Variants in MTRF1 observed in about 807,000 individuals in gnomAD.
The protein encoded by MTRF1 is mitochondrial translation release factor 1, also known as peptide chain release factor 1, mitochondrial.
Under a neutral mutation model 62.9 loss-of-function variants are expected in MTRF1, and 51 were observed. The ratio of observed to expected loss-of-function variants is 0.81; its 90% CI spans 0.65 to 1.02. The LOEUF is 1.02. MTRF1 is among the 50% of genes least tolerant of loss of function. The pLI is 0.00. For synonymous variants in MTRF1, 158 were observed against 181.9 expected, an observed-to-expected ratio of 0.87 and a Z score of 1.06; for missense variants, 446 against 530.0, an observed-to-expected ratio of 0.84 and a Z score of 1.56.
At chr13:41,298,944 C>T in the MTRF1 span, among the ~76,000 whole-genome samples, 1 of 152,242 alleles carries the variant, frequency 6.6e-6, no homozygotes, top group South Asian at 2.1e-4. Flanking sequence ...CTTTGGGAGG[C>T]CAAAGCAGGC....
chr13:41,264,767 A>C (rs2040785195), upstream of MTRF1, among the ~76,000 whole-genome samples: 1 of 152,202 alleles, frequency 6.6e-6, no homozygotes, highest in Non-Finnish European at 1.5e-5. Flanking sequence ...TCCAAGGTAA[A>C]AAACAGTAAG....
the MTRF1 span, among the ~76,000 whole-genome samples, chr13:41,290,436 C>G: frequency 7.2e-3 from 1,066 of 148,540 alleles, 17 homozygotes; most frequent in African/African-American, 0.025. Flanking sequence ...CTCTGTCACC[C>G]AGGCTGGAGT....
the MTRF1 span, among the ~76,000 whole-genome samples, chr13:41,291,695 T>TAAA: frequency 7.9e-5 from 12 of 152,106 alleles, no homozygotes; most frequent in Non-Finnish European, 1.8e-4. Flanking sequence ...GAAAGGTATT[T>TAAA]AAATGTAGAA....
chr13:41,223,403 C>T (rs1798339522), intron 8 of MTRF1, 49 bp from the exon 9 acceptor site: 14 of 1,463,304 alleles, frequency 9.6e-6, no homozygotes, highest in Non-Finnish European at 1.1e-5. Context: ...TAAATGTCTT[C>T]ATTACAATGG....
At chr13:41,220,525 T>A in intron 9 of MTRF1, 2 of 1,194,632 alleles carry the variant, frequency 1.7e-6, no homozygotes, top group Non-Finnish European at 1.1e-6. Flanking sequence ...TAAATAAAAG[T>A]AAGAAAGTTA....
chr13:41,251,313 C>T (rs1237254259), intron 5 of MTRF1, among the ~76,000 whole-genome samples: 1 of 152,180 alleles, frequency 6.6e-6, no homozygotes, highest in Non-Finnish European at 1.5e-5. Context: ...TCCATCCATC[C>T]ATCCATCCAT....
At chr13:41,217,314 G>C (rs1447511532) in intron 9 of MTRF1, 86 bp from the exon 10 acceptor site, 13 of 744,366 alleles carry the variant, frequency 1.7e-5, no homozygotes, top group Non-Finnish European at 2.9e-5. Flanking sequence ...TTTCTTTGCA[G>C]TCATTATTTA....
At chr13:41,237,238 A>AAC (rs2036779699) in intron 6 of MTRF1, among the ~76,000 whole-genome samples, 1 of 150,244 alleles carries the variant, frequency 6.7e-6, no homozygotes, top group Non-Finnish European at 1.5e-5. Context: ...AAAAAAAAAA[A>AAC]AGAATATGAC....
intron 5 of MTRF1, among the ~76,000 whole-genome samples, chr13:41,251,599 G>A (rs1317126621): frequency 6.6e-6 from 1 of 152,076 alleles, no homozygotes; most frequent in African/African-American, 2.4e-5. Context: ...CCTGACCACT[G>A]GTTGTATCTG....
chr13:41,285,576 T>C, the MTRF1 span, among the ~76,000 whole-genome samples: 1 of 152,088 alleles, frequency 6.6e-6, no homozygotes, highest in Non-Finnish European at 1.5e-5. Flanking sequence ...AAAGTTCTGG[T>C]TTATTGAAGC....
At chr13:41,308,381 G>A in the MTRF1 span, among the ~76,000 whole-genome samples, 14 of 152,192 alleles carry the variant, frequency 9.2e-5, no homozygotes, top group East Asian at 1.9e-4. Context: ...CTTGACTGAC[G>A]CACTGAAGGT....
the MTRF1 span, among the ~76,000 whole-genome samples, chr13:41,277,430 C>T: frequency 6.6e-6 from 1 of 152,168 alleles, no homozygotes; most frequent in African/African-American, 2.4e-5. Flanking sequence ...CCATGTCCTG[C>T]CAAACTCTTT....
Position 41,258,736 on chromosome 13 carries a change from G to A in MTRF1, c.415+1757C>T, listed in dbSNP as rs558967085. ...TAGATTAGGCAATTTTCTTAGATAC[G>A]ACTCCCAAAACTCAAGCAACAAGAG... On this transcript the variant is annotated intron_variant, in intron 2 of 9. Coordinates refer to ENST00000379480, the MANE Select transcript of MTRF1 (RefSeq NM_004294.4). Among the ~76,000 whole-genome samples, 4 of 152,072 alleles carry A rather than the reference G, an allele frequency of 2.6e-5. No homozygotes were observed. The South Asian group carries it at 6.2e-4, about 24-fold the overall frequency.
chr13:41,234,082 A>G, intron 6 of MTRF1, 75 bp from the exon 7 acceptor site: 2 of 1,131,386 alleles, frequency 1.8e-6, no homozygotes, highest in South Asian at 2.6e-5. Context: ...GATTTTTCAA[A>G]TAAACTGTAT....
Position 41,240,270 on chromosome 13 carries a change from C to A in MTRF1, c.861G>T (p.Gln287His). The change falls in exon 6 of 10, where the codon CAG (glutamine) becomes CAT (histidine). Residue 287 changes from glutamine to histidine, a missense_variant. Gln to His is a conservative substitution (Grantham distance 24, BLOSUM62 0). Coordinates refer to ENST00000379480, the MANE Select transcript of MTRF1 (RefSeq NM_004294.4). ...TGTMSVIVLP[Q>H]PDEVDVKLDP... ...CTCCTCCTGAGGTTACCTCATCTGGCTGAGGAAGGACAATAACCGACATCG... is the reference window on the plus strand; with the variant it reads ...CTCCTCCTGAGGTTACCTCATCTGGATGAGGAAGGACAATAACCGACATCG... 6.2e-7 allele frequency: 1 copy of A among 1,606,970 alleles called. No homozygotes were observed.
rs2039478573 is a variant in MTRF1, at chr13:41,254,545, T to C, written c.491A>G (p.Asn164Ser). The C allele has an allele frequency of 6.2e-7, 1 of 1,613,540 alleles. No homozygotes were observed. Among genetic ancestry groups the C allele is most frequent in the East Asian group, 2.2e-5 (1 of 44,812 alleles). ...AAAACCTACCTCATTGTACAACATGTTGATTTTTTGATCAATGGTTTGCCT... is the reference window on the plus strand; with the variant it reads ...AAAACCTACCTCATTGTACAACATGCTGATTTTTTGATCAATGGTTTGCCT... ...EERQTIDQKI[N>S]MLYNELFQSL... is the part of the protein sequence containing the mutation. The change falls in exon 3 of 10, where the codon AAC becomes AGC. Residue 164 changes from asparagine (N) to serine (S), a missense_variant. By Grantham distance (46) the Asn-to-Ser change is conservative. Transcript: ENST00000379480.
the MTRF1 span, among the ~76,000 whole-genome samples, chr13:41,294,495 T>C: frequency 2.0e-5 from 3 of 151,974 alleles, no homozygotes; most frequent in African/African-American, 7.2e-5. Flanking sequence ...TTTGTCTATT[T>C]TGGAGGTTAA....
the MTRF1 span, among the ~76,000 whole-genome samples, chr13:41,276,945 C>T: frequency 6.6e-6 from 1 of 152,090 alleles, no homozygotes; most frequent in Admixed American, 6.6e-5. Context: ...AAGAGGACAG[C>T]TTCAACTCCC....
intron 5 of MTRF1, among the ~76,000 whole-genome samples, chr13:41,243,809 T>C (rs1230604253): frequency 6.6e-6 from 1 of 152,218 alleles, no homozygotes; most frequent in African/African-American, 2.4e-5. Flanking sequence ...AAATTACTTA[T>C]CTGTTTTTAT....
Sources: gnomAD v4.1 joint callset for allele counts (sites outside exome capture counted in the v4.1 genomes callset) on GRCh38, gnomAD v4.1.1 for gene constraint, MANE v1.5 for transcripts, NCBI Gene and HGNC (gene_info 2026-07-23, HGNC 2026-07-21) for gene names.